The following TENM3 variants were observed in gnomAD, a reference collection of about 807,000 sequenced individuals.
TENM3 encodes teneurin-3.
Under a neutral mutation model 255.1 loss-of-function variants are expected in TENM3, and 63 were observed. The observed-to-expected ratio is 0.25, with a 90% CI of 0.20 to 0.30. The LOEUF (loss-of-function observed/expected upper bound fraction) is 0.30. TENM3 is among the 10% of genes least tolerant of loss of function. The pLI is 1.00. For missense variants in TENM3, 2,929 were observed against 3,461.1 expected (o/e 0.85, Z 3.86); for synonymous variants, 1,306 against 1,322.3 (o/e 0.99, Z 0.27).
chr4:182,159,574 C>G (rs142951344), intron 1 of TENM3, among the ~76,000 whole-genome samples: 3 of 152,116 alleles, frequency 2.0e-5, no homozygotes, highest in Non-Finnish European at 4.4e-5. Flanking sequence ...CGCAGTCACA[C>G]AGCTCCTGCG....
chr4:182,679,363 C>T (rs2152563827), intron 7 of TENM3, among the ~76,000 whole-genome samples: 1 of 152,150 alleles, frequency 6.6e-6, no homozygotes, highest in Middle Eastern at 3.4e-3. Context: ...GTTTGTATCC[C>T]CAAACTGCCT....
the TENM3 span, among the ~76,000 whole-genome samples, chr4:181,692,538 A>G: frequency 1.3e-5 from 2 of 152,234 alleles, no homozygotes; most frequent in Admixed American, 6.5e-5. Context: ...GCATAAGCAC[A>G]TGGATTTTAC....
chr4:181,924,662 A>G, the TENM3 span, among the ~76,000 whole-genome samples: 29 of 152,296 alleles, frequency 1.9e-4, no homozygotes, highest in Middle Eastern at 3.4e-3. Flanking sequence ...TTACATATTC[A>G]TCTTTTAAAT....
chr4:182,227,937 T>C (rs2149997458), intron 1 of TENM3, among the ~76,000 whole-genome samples: 1 of 152,268 alleles, frequency 6.6e-6, no homozygotes, highest in East Asian at 1.9e-4. Context: ...CACTTTACGT[T>C]TCAGCACTCC....
At chr4:182,000,231 C>G in the TENM3 span, among the ~76,000 whole-genome samples, 2 of 152,064 alleles carry the variant, frequency 1.3e-5, no homozygotes, top group Non-Finnish European at 2.9e-5. Context: ...CTTTCTGCAT[C>G]CAATAAAATC....
intron 22 of TENM3, 51 bp downstream of exon 22, chr4:182,755,310 T>C (rs1762647911): frequency 5.3e-6 from 7 of 1,314,958 alleles, no homozygotes; most frequent in Non-Finnish European, 7.2e-6. Context: ...GATATAATAA[T>C]ATCATCTATA....
chr4:182,099,975 G>A, the TENM3 span, among the ~76,000 whole-genome samples: 9 of 152,026 alleles, frequency 5.9e-5, no homozygotes, highest in African/African-American at 1.5e-4. Context: ...CTCCTGTCCC[G>A]CAAGACTTGA....
At chr4:181,579,716 T>C in the TENM3 span, among the ~76,000 whole-genome samples, 1 of 152,154 alleles carries the variant, frequency 6.6e-6, no homozygotes, top group African/African-American at 2.4e-5. Context: ...CCTTCAGATT[T>C]AAGAAGTGTT....
the TENM3 span, among the ~76,000 whole-genome samples, chr4:182,035,742 A>C: frequency 6.6e-6 from 1 of 152,124 alleles, no homozygotes. Flanking sequence ...CACTTTTCCA[A>C]ACTGCAGTCA....
the TENM3 span, among the ~76,000 whole-genome samples, chr4:182,098,283 C>T: frequency 6.6e-6 from 1 of 152,058 alleles, no homozygotes; most frequent in African/African-American, 2.4e-5. Context: ...GGAGGTTCCT[C>T]AAAAATCTAA....
In TENM3 at chr4:182,736,833, C is replaced by G. The variant is rs1761210338; in HGVS notation, c.2993C>G (p.Pro998Arg). ...GTACTCCACGAGGAAACTACAATTC[C>G]AGGAACAGATTTGAAACTCTCCTAC... ...TQVLHEETTI[P>R]GTDLKLSYLS... The change falls in exon 17 of 28, where the codon CCA (proline) becomes CGA (arginine). Residue 998 changes from proline to arginine, a missense_variant. Pro to Arg is a moderately radical substitution (Grantham distance 103). Transcript: ENST00000511685. The G allele has an allele frequency of 3.1e-6, 5 of 1,613,436 alleles. No individual in the cohort carries two copies. The highest frequency in any genetic ancestry group is 1.7e-5 in the Admixed American group (1 of 59,926).
chr4:181,941,621 T>TTAC, the TENM3 span, among the ~76,000 whole-genome samples: 4 of 152,230 alleles, frequency 2.6e-5, no homozygotes, highest in Middle Eastern at 3.2e-3. Flanking sequence ...CCTTACATTA[T>TTAC]GTCAATGACT....
chr4:181,591,939 T>C, the TENM3 span, among the ~76,000 whole-genome samples: 18 of 142,228 alleles, frequency 1.3e-4, no homozygotes, highest in Admixed American at 2.2e-4. Flanking sequence ...AAAATAGCTA[T>C]GCTGAGTGAA....
chr4:181,903,519 C>T, the TENM3 span, among the ~76,000 whole-genome samples: 4 of 152,136 alleles, frequency 2.6e-5, no homozygotes, highest in African/African-American at 7.2e-5. Flanking sequence ...CACCTCTGGC[C>T]CAGCCTGTCA....
At chr4:182,273,343 G>A (rs939924234) in intron 1 of TENM3, among the ~76,000 whole-genome samples, 8 of 152,176 alleles carry the variant, frequency 5.3e-5, no homozygotes, top group Admixed American at 5.2e-4. Flanking sequence ...CAGAGTTCAC[G>A]TTCTTAGACC....
the TENM3 span, among the ~76,000 whole-genome samples, chr4:181,968,988 C>A: frequency 0.015 from 1,630 of 107,578 alleles, 10 homozygotes; most frequent in African/African-American, 0.026. Flanking sequence ...CTCTCTCTCT[C>A]TCTCTATATA....
the TENM3 span, among the ~76,000 whole-genome samples, chr4:181,464,677 G>A: frequency 3.9e-5 from 6 of 152,072 alleles, no homozygotes; most frequent in South Asian, 1.0e-3. Context: ...GTAGCCAGGC[G>A]CAGTGGCTCA....
chr4:181,918,840 G>A, the TENM3 span, among the ~76,000 whole-genome samples: 2 of 152,106 alleles, frequency 1.3e-5, no homozygotes, highest in Non-Finnish European at 2.9e-5. Flanking sequence ...AAAAGTATCA[G>A]AAATGGACCC....
intron 1 of TENM3, among the ~76,000 whole-genome samples, chr4:182,150,790 G>A (rs901937798): frequency 6.6e-6 from 1 of 151,762 alleles, no homozygotes; most frequent in African/African-American, 2.4e-5. Context: ...ACCTCTTCAG[G>A]TTGCCATTAC....
Sources: allele counts gnomAD v4.1 joint callset (sites outside exome capture counted in the v4.1 genomes callset), GRCh38; gene constraint gnomAD v4.1.1; transcripts MANE v1.5; gene names NCBI Gene and HGNC (gene_info 2026-07-23, HGNC 2026-07-21).